Variants in GMNC observed in about 807,000 individuals in gnomAD.
The protein encoded by GMNC is geminin coiled-coil domain-containing protein 1.
A neutral mutation model predicts 33.6 loss-of-function variants in GMNC; 16 were observed. The observed-to-expected ratio is 0.48, with a 90% confidence interval of 0.32 to 0.72. The LOEUF is 0.72. Among genes scored for constraint, GMNC ranks in the 30% least tolerant of loss-of-function variants. GMNC has a pLI of 0.03. For missense variants in GMNC, 393 were observed against 388.9 expected, an observed-to-expected ratio of 1.01 and a Z score of -0.09; for synonymous variants, 156 against 147.3, an observed-to-expected ratio of 1.06 and a Z score of -0.43.
At chr3:190,845,495 T>A in the GMNC span, among the ~76,000 whole-genome samples, 1 of 151,312 alleles carries the variant, frequency 6.6e-6, no homozygotes, top group East Asian at 1.9e-4. Context: ...CCTTTTGCTA[T>A]TTATTTTGAA....
At position 190,855,662 on chromosome 3, in the gene GMNC, G is replaced by A. The variant is rs958938467; in HGVS notation, c.638C>T (p.Ala213Val). 27 of 1,551,468 alleles carry A rather than the reference G, an allele frequency of 1.7e-5. No homozygotes were observed. The Admixed American group carries it at 5.3e-4, about 30-fold the overall frequency. Residue 213 changes from alanine to valine, a missense_variant, in exon 5 of 5, where the codon GCA becomes GTA. Transcript: ENST00000442080. ...DTSSANYSAL[A>V]SHPRRVASTF... The stretch of plus-strand genomic sequence containing the variant: ...GCTGGCGACTCTTCTGGGATGAGAT[G>A]CGAGGGCACTGTAGTTAGCTGATGA...
At chr3:190,847,754 C>T (rs114418266), downstream of GMNC, among the ~76,000 whole-genome samples, 1,589 of 152,244 alleles carry the variant, frequency 0.01, 28 homozygotes, top group African/African-American at 0.037. Context: ...TTTCCTCCCC[C>T]TCTTCCTCTA....
rs1737878256 is a variant in GMNC, at chr3:190,861,830, A to AATT, written c.3+780_3+782dup. On this transcript the variant is annotated intron_variant, in intron 1 of 4. Transcript: ENST00000442080. This position sits in a 1 kb window ranked among gnomAD's most constrained non-coding sequence, Gnocchi z 5.1. ...GTTAATTTGTACAACACCAAATTTA[A>AATT]ATTATTTGTCAATGTTTAATCAGGT... Among the ~76,000 whole-genome samples, 1 of 152,174 alleles carries AATT rather than the reference A, an allele frequency of 6.6e-6. No homozygotes were observed. Among genetic ancestry groups the AATT allele is most frequent in the Admixed American group, 6.5e-5 (1 of 15,272 alleles).
chr3:190,850,241 A>G (rs9834978), downstream of GMNC, among the ~76,000 whole-genome samples: 60,413 of 152,080 alleles, frequency 0.4, 12,732 homozygotes, highest in African/African-American at 0.53. Flanking sequence ...TTACACTTCT[A>G]TCTCTGAGAT....
chr3:190,855,788 G>C lies in GMNC; in HGVS notation c.512C>G (p.Ser171Cys), dbSNP rs956340385. 2 of 1,551,540 alleles carry C rather than the reference G, an allele frequency of 1.3e-6. No homozygotes were observed. The highest frequency in any genetic ancestry group is 2.7e-5 in the African/African-American group (2 of 73,142). Reference protein sequence around the residue: ...PHPKNAKRNLSSEFANCEEQA... With the variant: ...PHPKNAKRNLCSEFANCEEQA... ...TTCTTCACAGTTAGCAAATTCACTA[G>C]AGAGGTTTCTTTTGGCATTTTTGGG... The change falls in exon 5 of 5, where the codon TCT becomes TGT. Residue 171 changes from serine (S) to cysteine (C), a missense_variant. Ser to Cys is a moderately radical substitution (Grantham distance 112). Coordinates refer to ENST00000442080, the MANE Select transcript of GMNC (RefSeq NM_001146686.3).
downstream of GMNC, among the ~76,000 whole-genome samples, chr3:190,849,524 C>T (rs1737602321): frequency 1.3e-5 from 2 of 152,218 alleles, no homozygotes. Flanking sequence ...CTGTCAACTT[C>T]ACAGCAACTG....
intron 3 of GMNC, 60 bp from the exon 4 acceptor site, chr3:190,857,959 T>C: frequency 1.2e-6 from 1 of 862,498 alleles, no homozygotes. Flanking sequence ...AACCTTATAA[T>C]AATGCCACTG....
At chr3:190,851,945 T>TAAAAAAAGAA (rs1737641830), downstream of GMNC, among the ~76,000 whole-genome samples, 1 of 151,964 alleles carries the variant, frequency 6.6e-6, no homozygotes, top group Admixed American at 6.6e-5. Context: ...TGCAGGATAT[T>TAAAAAAAGAA]TGATACAAGA....
chr3:190,849,200 G>T (rs576165489), downstream of GMNC, among the ~76,000 whole-genome samples: 1 of 152,256 alleles, frequency 6.6e-6, no homozygotes, highest in South Asian at 2.1e-4. Flanking sequence ...GACTAGTCAT[G>T]GTTCTGAAAA....
chr3:190,850,149 C>T (rs9872656), downstream of GMNC, among the ~76,000 whole-genome samples: 60,715 of 151,960 alleles, frequency 0.4, 12,917 homozygotes, highest in African/African-American at 0.54. Context: ...GTGAACAAGC[C>T]CTGTTAGCAA....
In GMNC at chr3:190,855,862, C is replaced by T; in HGVS notation, c.438G>A (p.Gly146=). The T allele has an allele frequency of 1.3e-6, 2 of 1,550,870 alleles. No individual in the cohort carries two copies. Among genetic ancestry groups the T allele is most frequent in the Non-Finnish European group, 8.7e-7 (1 of 1,146,328 alleles). ...FSKAYGKFRK[G]KRKSKEQRYS... is the part of the protein sequence containing the mutation. Reference sequence around the variant, plus strand: ...ATCTTTGCTCTTTGGATTTTCTCTTCCCCTTCCTGAATTTTCCATATGCTT... The same window carrying T: ...ATCTTTGCTCTTTGGATTTTCTCTTTCCCTTCCTGAATTTTCCATATGCTT... The change falls in exon 5 of 5, where the codon GGG becomes GGA. Residue 146 remains glycine, a synonymous_variant. Coordinates refer to ENST00000442080, the MANE Select transcript of GMNC (RefSeq NM_001146686.3).
chr3:190,860,888 G>A (rs1389635806), intron 1 of GMNC, 30 bp from the exon 2 acceptor site: 1 of 1,484,198 alleles, frequency 6.7e-7, no homozygotes, highest in East Asian at 2.5e-5. Context: ...GGGAGTGAGG[G>A]GTCCCAAAAG....
chr3:190,847,487 A>T, the GMNC span, among the ~76,000 whole-genome samples: 13 of 152,168 alleles, frequency 8.5e-5, no homozygotes, highest in African/African-American at 3.1e-4. Flanking sequence ...ACATAAAGTT[A>T]AGATGTCTCA....
chr3:190,850,494 C>T (rs181848686), downstream of GMNC, among the ~76,000 whole-genome samples: 1 of 152,328 alleles, frequency 6.6e-6, no homozygotes, highest in Non-Finnish European at 1.5e-5. Context: ...GGGGAAGAGC[C>T]TGAAGAAATT....
At chr3:190,858,179 G>A in intron 3 of GMNC, 1 of 338,214 alleles carries the variant, frequency 3.0e-6, no homozygotes, top group Non-Finnish European at 5.4e-6. Flanking sequence ...TAGATATGAA[G>A]GAAAATGAGC....
At position 190,862,499 on chromosome 3, in the gene GMNC, C is replaced by A. The variant is rs966047478; in HGVS notation, c.3+114G>T. ...AGCAGAGAGGATCTGTTTTAACTGG[C>A]GGGTAGCGGAGAAATCTTGCTCCGA... On this transcript the variant is annotated intron_variant, in intron 1 of 4. Transcript: ENST00000442080. This position sits in a 1 kb window ranked among gnomAD's most constrained non-coding sequence, Gnocchi z 4.5. The A allele has an allele frequency of 2.5e-6, 2 of 786,862 alleles. No individual in the cohort carries two copies. Among genetic ancestry groups the A allele is most frequent in the Non-Finnish European group, 4.5e-6 (2 of 448,730 alleles). The allele number at this position is 786,862 out of a possible 1,614,324, so 48.7% of individuals were successfully genotyped here.
downstream of GMNC, among the ~76,000 whole-genome samples, chr3:190,851,466 G>A (rs953445451): frequency 2.0e-5 from 3 of 152,080 alleles, no homozygotes; most frequent in African/African-American, 7.2e-5. Flanking sequence ...CAACTATACT[G>A]GAAATATAAA....
chr3:190,858,665 T>C (rs1203031420), intron 3 of GMNC, among the ~76,000 whole-genome samples: 2 of 152,210 alleles, frequency 1.3e-5, no homozygotes, highest in Non-Finnish European at 2.9e-5. Flanking sequence ...ATTCCATAAA[T>C]GAGGACAAGG....
Position 190,858,943 on chromosome 3 carries a change from G to A in GMNC, c.252C>T (p.Leu84=), listed in dbSNP as rs1737805638. ...TTACACATACCTGCTTATTTCTGTA[G>A]AGCTGAGAGGAAAGCTGAGCCTCTT... The part of the protein sequence containing the change: ...SWEEAQLSSQ[L]YRNKQLQDTL... The change falls in exon 3 of 5, where the codon CTC becomes CTT. Residue 84 remains leucine (L), a synonymous_variant. Transcript: ENST00000442080. 2 of 1,548,430 alleles carry A rather than the reference G, an allele frequency of 1.3e-6. No homozygotes were observed. The highest frequency in any genetic ancestry group is 2.4e-5 in the East Asian group (1 of 40,872).
Sources: gnomAD v4.1 joint callset for allele counts (sites outside exome capture counted in the v4.1 genomes callset) on GRCh38, gnomAD v4.1.1 for gene constraint, Gnocchi (gnomAD v3.1) non-coding constraint, MANE v1.5 for transcripts, NCBI Gene and HGNC (gene_info 2026-07-23, HGNC 2026-07-21) for gene names.